The following CPAMD8 variants were observed in gnomAD, a reference collection of about 807,000 sequenced individuals.
CPAMD8 encodes the protein C3 and PZP like alpha-2-macroglobulin domain containing 8.
CPAMD8 carries 146 observed loss-of-function variants against 224.7 expected under a neutral mutation model. The ratio of observed to expected loss-of-function variants is 0.65; its 90% confidence interval spans 0.57 to 0.75. CPAMD8 has a LOEUF of 0.75. Ranked by LOEUF, CPAMD8 falls within the 30% of genes least tolerant of loss-of-function variation. CPAMD8 has a pLI of 0.00. For missense variants in CPAMD8, 2,301 were observed against 2,537.5 expected, an observed-to-expected ratio of 0.91 and a Z score of 2.00; for synonymous variants, 966 against 1,044.6, an observed-to-expected ratio of 0.92 and a Z score of 1.45.
At chr19:16,978,431 C>A (rs868510142) in intron 14 of CPAMD8, among the ~76,000 whole-genome samples, 4 of 152,064 alleles carry the variant, frequency 2.6e-5, no homozygotes, top group Non-Finnish European at 4.4e-5. Context: ...GACAAGGATT[C>A]CAGGGAGACA....
chr19:16,901,911 T>C lies in CPAMD8; in HGVS notation c.4686-614A>G, dbSNP rs192599644. ...TTCTGAGATGGGGAACTTGGACACA[T>C]TCGGGCTGAGAGTCAAGGTCAGGGC... On this transcript the variant is annotated intron_variant, in intron 35 of 41. Coordinates refer to ENST00000443236, the MANE Select transcript of CPAMD8 (RefSeq NM_015692.5). Among the ~76,000 whole-genome samples the C allele has an allele frequency of 4.1e-3, 621 of 152,214 alleles. 8 individuals carry two copies. The highest frequency in any genetic ancestry group is 0.014 in the African/African-American group (580 of 41,528).
chr19:16,964,958 T>C (rs1599796778), intron 18 of CPAMD8, among the ~76,000 whole-genome samples: 1 of 151,994 alleles, frequency 6.6e-6, no homozygotes, highest in African/African-American at 2.4e-5. Flanking sequence ...ATCATCTCAA[T>C]AGATGCAAAA....
intron 23 of CPAMD8, among the ~76,000 whole-genome samples, chr19:16,933,228 A>G (rs2053594745): frequency 1.3e-5 from 2 of 152,130 alleles, no homozygotes; most frequent in African/African-American, 4.8e-5. Context: ...TGTAGTGTAA[A>G]ACTTAAAACT....
intron 19 of CPAMD8, chr19:16,957,625 G>A (rs1001515199): frequency 2.0e-5 from 11 of 551,240 alleles, no homozygotes; most frequent in Non-Finnish European, 3.3e-5. Flanking sequence ...GGAGTTATAA[G>A]AGGCACAAAG....
chr19:16,936,963 T>C (rs117197058), intron 23 of CPAMD8, among the ~76,000 whole-genome samples: 3,817 of 152,178 alleles, frequency 0.025, 91 homozygotes, highest in South Asian at 0.087. Flanking sequence ...AGGTGGCAGA[T>C]CTTTTTTTCC....
At chr19:16,985,302 T>TATGGATGGATGGATGAAGGGTGGATGA (rs2055675525) in intron 13 of CPAMD8, among the ~76,000 whole-genome samples, 1 of 145,126 alleles carries the variant, frequency 6.9e-6, no homozygotes, top group Admixed American at 6.8e-5. Flanking sequence ...AGGGTGCATG[T>TATGGATGGATGGATGAAGGGTGGATGA]ATGGATGGAT....
At position 16,902,834 on chromosome 19, in the gene CPAMD8, C is replaced by G; in HGVS notation, c.4500G>C (p.Pro1500=). The G allele has an allele frequency of 1.3e-6, 2 of 1,553,676 alleles. No individual in the cohort carries two copies. The highest frequency in any genetic ancestry group is 2.4e-5 in the South Asian group (2 of 82,270). The change falls in exon 35 of 42, where the codon CCG becomes CCC. Residue 1500 remains proline, a synonymous_variant. Transcript: ENST00000443236. ...GCAGCTGGAAAGCTGGCTTGGCCAC[C>G]GGGTCAGGCACATTGTAGGTGACAT... ...QIDVTYNVPD[P]VAKPAFQLLV... is the part of the protein sequence containing the mutation.
At chr19:16,967,814 A>AAT (rs1555779209) in intron 18 of CPAMD8, among the ~76,000 whole-genome samples, 67 of 79,566 alleles carry the variant, frequency 8.4e-4, no homozygotes, top group South Asian at 1.2e-3. Context: ...GTCTCACCAA[A>AAT]ATATATATAT....
intron 19 of CPAMD8, 146 bp from the exon 20 acceptor site, chr19:16,952,346 G>A (rs916436692): frequency 2.4e-5 from 15 of 629,702 alleles, no homozygotes; most frequent in Non-Finnish European, 3.4e-5. Flanking sequence ...TCACAAAAGC[G>A]GCAACAGGAA....
At chr19:16,985,297 G>A (rs887059612) in intron 13 of CPAMD8, among the ~76,000 whole-genome samples, 3 of 151,630 alleles carry the variant, frequency 2.0e-5, no homozygotes, top group Admixed American at 2.0e-4. Flanking sequence ...GATGAAGGGT[G>A]CATGTATGGA....
rs200788931 is a variant in CPAMD8, at chr19:16,951,979, G to T, written c.2498C>A (p.Thr833Asn). The change falls in exon 20 of 42, where the codon ACC (threonine) becomes AAC (asparagine). Residue 833 changes from threonine (T) to asparagine (N), a missense_variant. Coordinates refer to ENST00000443236, the MANE Select transcript of CPAMD8 (RefSeq NM_015692.5). ...IPLSVYNYMG[T>N]CAEVYMKLSV... ...TGGGGGGCTGAGTACCTCAGCGCAG[G>T]TGCCCATGTAGTTGTAGACACTGAG... The T allele has an allele frequency of 4.4e-4, 695 of 1,567,272 alleles. 2 individuals carry two copies. Among genetic ancestry groups the T allele is most frequent in the Non-Finnish European group, 5.3e-4 (606 of 1,153,332 alleles).
chr19:17,001,679 G>A (rs1003443936), intron 9 of CPAMD8, among the ~76,000 whole-genome samples: 9 of 151,996 alleles, frequency 5.9e-5, no homozygotes, highest in African/African-American at 1.9e-4. Context: ...GGGAGACACC[G>A]AGTACTAGGG....
At position 16,925,248 on chromosome 19, in the gene CPAMD8, G is replaced by C. The variant is rs757556602; in HGVS notation, c.3495C>G (p.Thr1165=). ...TCTCCACCTCAGGGCTGAGCTGCTG[G>C]GTTTTCTGAAGATACTTCAAGACAA... ...NVFVLKYLQK[T]QQLSPEVERE... is the part of the protein sequence containing the mutation. Residue 1165 remains threonine, a synonymous_variant, in exon 26 of 42, where the codon ACC becomes ACG. Transcript: ENST00000443236. 5.6e-6 allele frequency: 9 copies of C among 1,614,088 alleles called. No homozygotes were observed. The South Asian group carries it at 6.6e-5, about 12-fold the overall frequency.
At chr19:17,019,199 C>G (rs1352404071) in intron 3 of CPAMD8, among the ~76,000 whole-genome samples, 1 of 152,082 alleles carries the variant, frequency 6.6e-6, no homozygotes, top group Non-Finnish European at 1.5e-5. Context: ...TCTTGGCTCA[C>G]TGCAACCTCC....
At chr19:16,961,868 C>T (rs943731612) in intron 18 of CPAMD8, among the ~76,000 whole-genome samples, 1 of 152,224 alleles carries the variant, frequency 6.6e-6, no homozygotes, top group African/African-American at 2.4e-5. Flanking sequence ...TGCTGTTCTG[C>T]AGCCTCCACT....
At position 17,022,101 on chromosome 19, in the gene CPAMD8, C is replaced by A. The variant is rs147345591; in HGVS notation, c.173G>T (p.Arg58Met). 2.5e-4 allele frequency: 404 copies of A among 1,605,766 alleles called. No individual in the cohort carries two copies. In the African/African-American group the frequency reaches 4.9e-3, roughly 20 times the overall value. Residue 58 changes from arginine (R) to methionine (M), a missense_variant, in exon 2 of 42, where the codon AGG (arginine) becomes ATG (methionine). Physicochemically the swap from Arg to Met is moderately conservative, Grantham distance 91 (BLOSUM62 -1). This residue lies in a region of CPAMD8 where 283 missense variants were observed against 340.6 expected (regional missense o/e 0.83). Coordinates refer to ENST00000443236, the MANE Select transcript of CPAMD8 (RefSeq NM_015692.5). ...VISVTIFNSP[R>M]EVTVQAQLVA... ...CAGCTGAGCCTGGACCGTGACTTCC[C>A]TTGGAGAGTTAAAGATGGTCACGCT... is the stretch of plus-strand genomic sequence containing the variant.
chr19:17,019,971 CTT>C (rs569150151), intron 3 of CPAMD8, among the ~76,000 whole-genome samples: 11 of 97,866 alleles, frequency 1.1e-4, no homozygotes, highest in East Asian at 2.9e-4. Flanking sequence ...TTTTTCTTTT[CTT>C]TTTTTTTTTT....
At chr19:16,928,917 A>G in intron 24 of CPAMD8, 25 bp downstream of exon 24, 1 of 1,555,580 alleles carries the variant, frequency 6.4e-7, no homozygotes, top group Admixed American at 1.8e-5. Context: ...CTTCTGCACA[A>G]GCCCCAGGCA....
chr19:17,014,367 A>AT (rs35508798), intron 3 of CPAMD8, among the ~76,000 whole-genome samples: 49,755 of 151,250 alleles, frequency 0.33, 9,055 homozygotes, highest in Non-Finnish European at 0.43. Flanking sequence ...CCGTCCTCTT[A>AT]TTTTTTTTTA....
Sources: gnomAD v4.1 joint callset for allele counts (sites outside exome capture counted in the v4.1 genomes callset) on GRCh38, gnomAD v4.1.1 for gene constraint, gnomAD v4.1.1 regional missense constraint, MANE v1.5 for transcripts, NCBI Gene and HGNC (gene_info 2026-07-23, HGNC 2026-07-21) for gene names.